Variants in BUB1 observed in about 807,000 individuals in gnomAD.
The protein encoded by BUB1 is mitotic checkpoint serine/threonine-protein kinase BUB1.
BUB1 carries 84 observed loss-of-function variants against 135.2 expected under a neutral mutation model. That is an observed-to-expected ratio of 0.62 (90% CI 0.52 to 0.74). The LOEUF is 0.74. Among genes scored for constraint, BUB1 ranks in the 30% least tolerant of loss-of-function variants. The pLI is 0.00. For missense variants in BUB1, 1,162 were observed against 1,288.3 expected (o/e 0.90, Z 1.50); for synonymous variants, 403 against 434.4 (o/e 0.93, Z 0.90).
chr2:110,642,089 A>G (rs1401265852), intron 20 of BUB1, 30 bp downstream of exon 20: 4 of 1,496,292 alleles, frequency 2.7e-6, no homozygotes, highest in Non-Finnish European at 3.7e-6. Context: ...TCATTTCTAT[A>G]TCATACAAAA....
intron 24 of BUB1, among the ~76,000 whole-genome samples, chr2:110,638,714 A>T (rs1341178035): frequency 1.3e-5 from 2 of 152,238 alleles, no homozygotes; most frequent in Non-Finnish European, 2.9e-5. Context: ...AGGCCTGCTG[A>T]GGGTTAACTT....
intron 5 of BUB1, among the ~76,000 whole-genome samples, chr2:110,670,036 C>T (rs1690374614): frequency 6.8e-6 from 1 of 146,042 alleles, no homozygotes; most frequent in Non-Finnish European, 1.5e-5. Context: ...AGCCTCTGCT[C>T]TTTGGGGCTA....
Position 110,667,503 on chromosome 2 carries a change from A to G in BUB1, c.805+18T>C. On this transcript the variant is annotated intron_variant, in intron 8 of 24. Transcript: ENST00000302759. ...TTATGTGACATAAGAATAACTAAAA[A>G]TACAAGATTGCAAGTACCCCATTGC... 2 of 1,589,270 alleles carry G rather than the reference A, an allele frequency of 1.3e-6. No homozygotes were observed. Among genetic ancestry groups the G allele is most frequent in the Non-Finnish European group, 1.7e-6 (2 of 1,171,444 alleles).
At chr2:110,657,138 T>C in intron 14 of BUB1, 21 bp from the exon 15 acceptor site, 1 of 1,581,602 alleles carries the variant, frequency 6.3e-7, no homozygotes, top group Non-Finnish European at 8.7e-7. Context: ...ATTTGCTAAA[T>C]TATAAATAGT....
intron 10 of BUB1, among the ~76,000 whole-genome samples, chr2:110,660,510 T>G (rs1400115609): frequency 6.6e-6 from 1 of 152,142 alleles, no homozygotes; most frequent in Non-Finnish European, 1.5e-5. Context: ...TGGAACTACT[T>G]AGGGTCTACA....
intron 11 of BUB1, 49 bp downstream of exon 11, chr2:110,659,929 G>C: frequency 6.7e-7 from 1 of 1,493,774 alleles, no homozygotes; most frequent in Non-Finnish European, 9.3e-7. Context: ...ACCTCTGAGT[G>C]ATACAGAGGA....
intron 16 of BUB1, among the ~76,000 whole-genome samples, chr2:110,655,135 T>C (rs1689894130): frequency 6.6e-6 from 1 of 152,194 alleles, no homozygotes; most frequent in Admixed American, 6.5e-5. Context: ...AGATATATGA[T>C]GAATTTTTAA....
chr2:110,644,897 A>G (rs1689603834), intron 19 of BUB1, among the ~76,000 whole-genome samples: 1 of 152,204 alleles, frequency 6.6e-6, no homozygotes. Context: ...CACTAGGTTA[A>G]CCACTTAAAA....
rs529933146 is a variant in BUB1, at chr2:110,676,478, G to A, written c.26+1492C>T. ...TGATTTGCTTTTGATCCAACAAACC[G>A]CTTCTGCAGATCTAGAAGACACATA... On this transcript the variant is annotated intron_variant, in intron 1 of 24. Coordinates refer to ENST00000302759, the MANE Select transcript of BUB1 (RefSeq NM_004336.5). The A allele has an allele frequency of 9.8e-4, 149 of 152,252 alleles. 1 individual carries two copies. The highest frequency in any genetic ancestry group is 3.5e-3 in the African/African-American group (146 of 41,530). The allele number at this position is 152,252 out of a possible 1,614,324, so 9.4% of individuals were successfully genotyped here. A position where few individuals can be genotyped will look rare whatever the true frequency, so the allele number is the denominator to read the frequency against.
intron 24 of BUB1, 109 bp from the exon 25 acceptor site, chr2:110,638,268 T>A: frequency 2.6e-6 from 2 of 763,850 alleles, no homozygotes; most frequent in South Asian, 2.3e-5. Context: ...GTATAACAAC[T>A]CTCACCTAAA....
rs558042553 is a variant in BUB1, at chr2:110,663,627, G to A, written c.958-1786C>T. 1.2e-3 allele frequency among the ~76,000 whole-genome samples: 185 copies of A among 152,298 alleles called. 1 individual carries two copies. The highest frequency in any genetic ancestry group is 1.7e-3 in the African/African-American group (69 of 41,572). ...ATAGCTGTTGAAGGAGGCTAGGAGC[G>A]GTGTGTCCCTAATTGCTAGACAAGT... On this transcript the variant is annotated intron_variant, in intron 9 of 24. Coordinates refer to ENST00000302759, the MANE Select transcript of BUB1 (RefSeq NM_004336.5).
chr2:110,663,976 T>C (rs371653515), intron 9 of BUB1, among the ~76,000 whole-genome samples: 23 of 146,620 alleles, frequency 1.6e-4, no homozygotes, highest in East Asian at 6.0e-4. Context: ...TTGCAGTGAG[T>C]TGAGACCATG....
At chr2:110,669,880 G>A (rs976215830) in intron 5 of BUB1, among the ~76,000 whole-genome samples, 6 of 151,952 alleles carry the variant, frequency 3.9e-5, no homozygotes, top group African/African-American at 1.5e-4. Context: ...TTTAAAAGTT[G>A]CATTAAACAC....
At chr2:110,646,461 A>G (rs750651415) in intron 19 of BUB1, among the ~76,000 whole-genome samples, 6 of 152,210 alleles carry the variant, frequency 3.9e-5, no homozygotes, top group Non-Finnish European at 7.3e-5. Flanking sequence ...GCATCAATCA[A>G]TTGGATCTAA....
intron 8 of BUB1, among the ~76,000 whole-genome samples, chr2:110,667,160 T>G (rs1373347327): frequency 6.6e-6 from 1 of 152,150 alleles, no homozygotes; most frequent in Non-Finnish European, 1.5e-5. Context: ...ACTGAAAAAT[T>G]TTTAAATATT....
At chr2:110,677,859 C>T (rs975062301) in intron 1 of BUB1, 111 bp downstream of exon 1, 55 of 1,343,754 alleles carry the variant, frequency 4.1e-5, no homozygotes, top group South Asian at 3.7e-4. Context: ...ACATTCCAAA[C>T]CCAGGAAGGG....
At chr2:110,652,736 T>C (rs1166463162) in intron 17 of BUB1, among the ~76,000 whole-genome samples, 1 of 152,212 alleles carries the variant, frequency 6.6e-6, no homozygotes, top group East Asian at 1.9e-4. Flanking sequence ...GTATGTATTT[T>C]TATACAAATA....
intron 5 of BUB1, 45 bp from the exon 6 acceptor site, chr2:110,669,598 A>G (rs1475165948): frequency 1.3e-5 from 16 of 1,266,836 alleles, no homozygotes; most frequent in Non-Finnish European, 1.7e-5. Flanking sequence ...TAAGGGTAAA[A>G]CCGTAAGTAA....
intron 20 of BUB1, 149 bp downstream of exon 20, chr2:110,641,970 A>C: frequency 9.8e-7 from 1 of 1,016,250 alleles, no homozygotes; most frequent in Non-Finnish European, 1.4e-6. Flanking sequence ...TGGGAAAAAA[A>C]TTCTAAATCT....
Sources: gnomAD v4.1 joint callset for allele counts (sites outside exome capture counted in the v4.1 genomes callset) on GRCh38, gnomAD v4.1.1 for gene constraint, MANE v1.5 for transcripts, NCBI Gene and HGNC (gene_info 2026-07-23, HGNC 2026-07-21) for gene names.